EPHA6: variants seen among roughly 807,000 people sequenced by gnomAD.
EPHA6 encodes the protein ephrin type-A receptor 6.
Under a neutral mutation model 112.0 loss-of-function variants are expected in EPHA6, and 50 were observed. The observed-to-expected ratio is 0.45, with a 90% confidence interval of 0.36 to 0.56. The LOEUF (loss-of-function observed/expected upper bound fraction) is 0.56, where lower values mean the gene tolerates loss of function less well. Among genes scored for constraint, EPHA6 ranks in the 20% least tolerant of loss-of-function variants. The pLI, the probability that EPHA6 is intolerant of heterozygous loss-of-function variation, is 0.00. For missense variants in EPHA6, 1,280 were observed against 1,417.4 expected (o/e 0.90, Z 1.56); for synonymous variants, 529 against 490.7 (o/e 1.08, Z -1.03).
chr3:96,866,278 G>A lies in EPHA6; in HGVS notation c.386-547G>A, dbSNP rs1462412807. On this transcript the variant is annotated intron_variant, in intron 1 of 17. Transcript: ENST00000389672. ...AGGAAAAGAGATAGATGGTTTTTAC[G>A]TTTGGTTTCGCATCTTATAGCCATA... Among the ~76,000 whole-genome samples the A allele has an allele frequency of 5.3e-5, 8 of 151,958 alleles. No homozygotes were observed. In the East Asian group the frequency reaches 7.7e-4, roughly 15 times the overall value.
intron 6 of EPHA6, among the ~76,000 whole-genome samples, chr3:97,426,622 TCTGGACATACACC>T (rs1481884815): frequency 6.6e-6 from 1 of 152,098 alleles, no homozygotes; most frequent in African/African-American, 2.4e-5. Flanking sequence ...GAAATACCAC[TCTGGACATACACC>T]CTGGCAAAGA....
intron 14 of EPHA6, among the ~76,000 whole-genome samples, chr3:97,696,813 G>A (rs962379438): frequency 4.6e-5 from 7 of 152,142 alleles, no homozygotes; most frequent in African/African-American, 1.7e-4. Flanking sequence ...TGAAGAAACT[G>A]AGGCATAAAG....
intron 15 of EPHA6, among the ~76,000 whole-genome samples, chr3:97,733,910 T>C (rs1014012255): frequency 1.3e-5 from 2 of 151,994 alleles, no homozygotes; most frequent in African/African-American, 4.8e-5. Flanking sequence ...GAGGAAGATG[T>C]TTTATCATGA....
intron 3 of EPHA6, among the ~76,000 whole-genome samples, chr3:97,210,843 A>G (rs981466007): frequency 6.6e-6 from 1 of 152,224 alleles, no homozygotes; most frequent in Non-Finnish European, 1.5e-5. Flanking sequence ...CATCAGCTGG[A>G]TTGGCAGGAG....
At position 96,987,980 on chromosome 3, in the gene EPHA6, G is replaced by A; in HGVS notation, c.1101G>A (p.Glu367=). Residue 367 remains glutamate, a synonymous_variant, in exon 3 of 18, where the codon GAG becomes GAA. Coordinates refer to ENST00000389672, the MANE Select transcript of EPHA6 (RefSeq NM_001080448.3). ...GCAGTACAGGATATGAAGAAATTGA[G>A]GGTTCTTGCCATGGTAAGAAACAAA... ...CICSTGYEEI[E]GSCHACRPGF... The A allele has an allele frequency of 1.3e-6, 2 of 1,555,950 alleles. No individual in the cohort carries two copies. The highest frequency in any genetic ancestry group is 8.7e-7 in the Non-Finnish European group (1 of 1,145,440).
chr3:96,966,101 G>A (rs1327742257), intron 2 of EPHA6, among the ~76,000 whole-genome samples: 1 of 151,930 alleles, frequency 6.6e-6, no homozygotes, highest in Non-Finnish European at 1.5e-5. Context: ...AATAAATTAG[G>A]TATTCTTGAA....
chr3:97,092,093 T>A (rs2047085227), intron 3 of EPHA6, among the ~76,000 whole-genome samples: 1 of 151,068 alleles, frequency 6.6e-6, no homozygotes, highest in African/African-American at 2.5e-5. Context: ...AAGGTTTTTT[T>A]TTTTAAAAAA....
rs933085629 is a variant in EPHA6 at position 96,964,216 on chromosome 3, C to A, written c.451-23114C>A. On this transcript the variant is annotated intron_variant, in intron 2 of 17. Transcript: ENST00000389672. ...AAGATGTACAATTATTATTGAAGAT[C>A]CAGTAGTCTTGCCATTCTGCAGAAA... is the stretch of plus-strand genomic sequence containing the variant. Among the ~76,000 whole-genome samples, 3 of 152,040 alleles carry A rather than the reference C, an allele frequency of 2.0e-5. 1 individual carries two copies. The highest frequency in any genetic ancestry group is 7.2e-5 in the African/African-American group (3 of 41,404).
chr3:97,654,925 T>G (rs2094128702), intron 14 of EPHA6, among the ~76,000 whole-genome samples: 1 of 151,302 alleles, frequency 6.6e-6, no homozygotes, highest in African/African-American at 2.4e-5. Flanking sequence ...TATATTGAGA[T>G]TGATTTACAG....
chr3:97,608,338 A>T (rs2093694572), intron 12 of EPHA6, among the ~76,000 whole-genome samples: 1 of 151,304 alleles, frequency 6.6e-6, no homozygotes, highest in African/African-American at 2.4e-5. Flanking sequence ...ATTCACATAG[A>T]TCAGATCTTG....
At chr3:97,259,364 A>G (rs1321630094) in intron 5 of EPHA6, among the ~76,000 whole-genome samples, 2 of 151,752 alleles carry the variant, frequency 1.3e-5, no homozygotes, top group East Asian at 3.9e-4. Flanking sequence ...TTGTTTGTTT[A>G]CCATTTGTTT....
intron 3 of EPHA6, among the ~76,000 whole-genome samples, chr3:97,079,415 A>C (rs1395048976): frequency 1.3e-5 from 2 of 152,062 alleles, no homozygotes; most frequent in Admixed American, 6.6e-5. Flanking sequence ...ACACAGACAC[A>C]TTGAGGGGAA....
At chr3:96,969,837 C>A (rs766632592) in intron 2 of EPHA6, among the ~76,000 whole-genome samples, 1 of 151,914 alleles carries the variant, frequency 6.6e-6, no homozygotes, top group African/African-American at 2.4e-5. Flanking sequence ...TAAATACTTT[C>A]TCCTTCATTA....
At chr3:96,829,984 C>CACACACATAA (rs1553713455) in intron 1 of EPHA6, among the ~76,000 whole-genome samples, 2 of 147,926 alleles carry the variant, frequency 1.4e-5, no homozygotes, top group Admixed American at 7.0e-5. Flanking sequence ...CACACACACA[C>CACACACATAA]ACACAGAAAT....
At chr3:96,972,414 CACACACACAA>C (rs1487128573) in intron 2 of EPHA6, among the ~76,000 whole-genome samples, 27 of 104,040 alleles carry the variant, frequency 2.6e-4, no homozygotes, top group African/African-American at 1.1e-3. Flanking sequence ...ATTTCAGAAA[CACACACACAA>C]ACACACACAC....
At chr3:97,496,108 G>T (rs2091971155) in intron 10 of EPHA6, among the ~76,000 whole-genome samples, 1 of 152,094 alleles carries the variant, frequency 6.6e-6, no homozygotes, top group Non-Finnish European at 1.5e-5. Context: ...TTTCATGGTG[G>T]ACTAAATGAA....
At chr3:97,650,107 A>G (rs2094096979) in intron 14 of EPHA6, among the ~76,000 whole-genome samples, 1 of 152,148 alleles carries the variant, frequency 6.6e-6, no homozygotes, top group South Asian at 2.1e-4. Flanking sequence ...CAAATCCACA[A>G]CAATGGAGAT....
At chr3:97,021,348 G>A (rs1342505662) in intron 3 of EPHA6, among the ~76,000 whole-genome samples, 3 of 151,944 alleles carry the variant, frequency 2.0e-5, no homozygotes, top group East Asian at 1.9e-4. Context: ...GGATCTAGCC[G>A]TTGCCTGCCC....
intron 14 of EPHA6, among the ~76,000 whole-genome samples, chr3:97,655,971 A>G (rs560987160): frequency 2.6e-5 from 4 of 151,994 alleles, no homozygotes; most frequent in Non-Finnish European, 4.4e-5. Flanking sequence ...ACACACCTCA[A>G]AATGTTTTTT....
Sources: gnomAD v4.1 joint callset for allele counts (sites outside exome capture counted in the v4.1 genomes callset) on GRCh38, gnomAD v4.1.1 for gene constraint, MANE v1.5 for transcripts, NCBI Gene and HGNC (gene_info 2026-07-23, HGNC 2026-07-21) for gene names.